GTPBP10: variants seen among roughly 807,000 people sequenced by gnomAD.
GTPBP10 encodes GTP binding protein 10, also known as GTP-binding protein 10.
A neutral mutation model predicts 44.8 loss-of-function variants in GTPBP10; 38 were observed. The observed-to-expected ratio is 0.85, with a 90% confidence interval of 0.65 to 1.11. The LOEUF (loss-of-function observed/expected upper bound fraction) is 1.11, where lower values mean the gene tolerates loss of function less well. GTPBP10 is among the 50% of genes most tolerant of loss of function. The probability of loss-of-function intolerance (pLI) is 0.00; values close to 1 mark genes in which losing one functional copy is unlikely to be tolerated. For missense variants in GTPBP10, 462 were observed against 453.7 expected (o/e 1.02, Z -0.17); for synonymous variants, 152 against 150.6 (o/e 1.01, Z -0.07).
chr7:90,383,450 A>C (rs11563374), intron 9 of GTPBP10, among the ~76,000 whole-genome samples: 2,064 of 152,326 alleles, frequency 0.014, 55 homozygotes, highest in African/African-American at 0.046. Flanking sequence ...TCATTCGTCT[A>C]GTACTGTACA....
intron 8 of GTPBP10, among the ~76,000 whole-genome samples, chr7:90,378,536 C>G (rs1276443162): frequency 1.3e-5 from 2 of 152,124 alleles, no homozygotes; most frequent in African/African-American, 4.8e-5. Flanking sequence ...TCTATTTCTA[C>G]TCTTACACTA....
chr7:90,391,449 TGTG>T (rs1473961705), exon 10 of GTPBP10: 2 of 152,190 alleles, frequency 1.3e-5, no homozygotes, highest in Admixed American at 6.5e-5. Flanking sequence ...GCTATGTTAA[TGTG>T]GTCTCCCTCT....
chr7:90,383,910 C>G (rs1022145507), intron 9 of GTPBP10: 4 of 152,210 alleles, frequency 2.6e-5, no homozygotes, highest in Admixed American at 6.5e-5. Flanking sequence ...TCTCAAAAAT[C>G]TTTCCCCTGT....
rs17867238 is a variant in GTPBP10, at chr7:90,385,279, A to G, written c.*125A>G. The G allele has an allele frequency of 2.5e-4, 160 of 641,540 alleles. No homozygotes were observed. In the African/African-American group the frequency reaches 2.7e-3, roughly 11 times the overall value. 39.7% of individuals were successfully genotyped at this position (641,540 alleles called of 1,614,324 possible). A position where few individuals can be genotyped will look rare whatever the true frequency, so the allele number is the denominator to read the frequency against. ...CCAGGCTTAGAAAGACAAATGCTGC[A>G]TAATCTCACTGTGGAATCTTAAGTT... On this transcript the variant is annotated 3_prime_UTR_variant, in exon 10 of 10. Coordinates refer to ENST00000222511, the MANE Select transcript of GTPBP10 (RefSeq NM_033107.4).
At chr7:90,358,545 C>G (rs1562954943) in intron 4 of GTPBP10, among the ~76,000 whole-genome samples, 1 of 152,040 alleles carries the variant, frequency 6.6e-6, no homozygotes, top group Non-Finnish European at 1.5e-5. Flanking sequence ...AAAAATGATG[C>G]TGAGAAAATT....
intron 1 of GTPBP10, among the ~76,000 whole-genome samples, chr7:90,348,288 A>G (rs987444160): frequency 5.3e-5 from 8 of 152,216 alleles, no homozygotes; most frequent in African/African-American, 1.7e-4. Flanking sequence ...CCCTTCAAGA[A>G]CATGGGGGTT....
At position 90,385,323 on chromosome 7, in the gene GTPBP10, A is replaced by T; in HGVS notation, c.*169A>T. On this transcript the variant is annotated 3_prime_UTR_variant, in exon 10 of 10. Transcript: ENST00000222511. ...TTAAGTTGAACTCATAGAAGGAGAG[A>T]ATAGAATGGTGGTTATCAAGGGCTG... 1.9e-6 allele frequency: 1 copy of T among 523,836 alleles called. No homozygotes were observed. Among genetic ancestry groups the T allele is most frequent in the South Asian group, 3.0e-5 (1 of 33,140 alleles). 32.4% of individuals were successfully genotyped at this position (523,836 alleles called of 1,614,324 possible). A position where few individuals can be genotyped will look rare whatever the true frequency, so the allele number is the denominator to read the frequency against.
At chr7:90,352,032 G>A (rs757240930) in intron 1 of GTPBP10, among the ~76,000 whole-genome samples, 6 of 152,092 alleles carry the variant, frequency 3.9e-5, no homozygotes, top group Non-Finnish European at 8.8e-5. Context: ...TTTGAGTAAA[G>A]GAGAAACATG....
chr7:90,351,457 G>A (rs915390180), intron 1 of GTPBP10, among the ~76,000 whole-genome samples: 1 of 152,098 alleles, frequency 6.6e-6, no homozygotes, highest in Non-Finnish European at 1.5e-5. Flanking sequence ...TTTTATGGAA[G>A]TAAATGACAA....
At chr7:90,350,872 A>G (rs190712085) in intron 1 of GTPBP10, among the ~76,000 whole-genome samples, 1 of 152,294 alleles carries the variant, frequency 6.6e-6, no homozygotes, top group African/African-American at 2.4e-5. Flanking sequence ...TCGTAGTGTC[A>G]TGACTTTACT....
intron 4 of GTPBP10, among the ~76,000 whole-genome samples, chr7:90,357,413 A>G (rs1051866717): frequency 6.6e-6 from 1 of 152,218 alleles, no homozygotes; most frequent in African/African-American, 2.4e-5. Flanking sequence ...CAGGGTATGA[A>G]AAAACTATAT....
intron 2 of GTPBP10, among the ~76,000 whole-genome samples, chr7:90,354,033 T>A (rs910812824): frequency 2.0e-5 from 3 of 152,056 alleles, no homozygotes; most frequent in Non-Finnish European, 4.4e-5. Context: ...GGGGTCGTGC[T>A]ATGGTGTTCA....
chr7:90,382,464 T>C (rs1796449142), intron 8 of GTPBP10, among the ~76,000 whole-genome samples: 1 of 152,154 alleles, frequency 6.6e-6, no homozygotes, highest in Admixed American at 6.6e-5. Flanking sequence ...CGCTCTGTCA[T>C]GTAGGCTAGA....
At chr7:90,378,893 G>T (rs1229718363) in intron 8 of GTPBP10, among the ~76,000 whole-genome samples, 1 of 152,096 alleles carries the variant, frequency 6.6e-6, no homozygotes, top group Non-Finnish European at 1.5e-5. Context: ...AGTAGAGACA[G>T]GGTTTCACCA....
chr7:90,367,218 A>ATT (rs1319353658), intron 4 of GTPBP10, among the ~76,000 whole-genome samples: 1 of 152,086 alleles, frequency 6.6e-6, no homozygotes, highest in Non-Finnish European at 1.5e-5. Flanking sequence ...TATATGGTCA[A>ATT]TTTTAGAATA....
chr7:90,360,946 T>C (rs1421447551), intron 4 of GTPBP10, among the ~76,000 whole-genome samples: 5 of 152,206 alleles, frequency 3.3e-5, no homozygotes, highest in Non-Finnish European at 7.3e-5. Context: ...TTATCTGTTA[T>C]TGGTGTATAA....
intron 8 of GTPBP10, chr7:90,378,412 G>T (rs189055374): frequency 3.6e-4 from 98 of 272,360 alleles, no homozygotes; most frequent in South Asian, 8.5e-4. Context: ...AACACTCCTG[G>T]GCTTCCAAAT....
chr7:90,365,594 T>G (rs1315639425), intron 4 of GTPBP10, among the ~76,000 whole-genome samples: 2 of 151,900 alleles, frequency 1.3e-5, no homozygotes, highest in Non-Finnish European at 2.9e-5. Flanking sequence ...GCCGGGATGG[T>G]CTCGATCTCC....
chr7:90,367,958 TC>T (rs1238303591), intron 4 of GTPBP10, among the ~76,000 whole-genome samples: 1 of 152,252 alleles, frequency 6.6e-6, no homozygotes, highest in East Asian at 1.9e-4. Context: ...CTTTAGAAGC[TC>T]TTGTAAGGCA....
Sources: gnomAD v4.1 joint callset for allele counts (sites outside exome capture counted in the v4.1 genomes callset) on GRCh38, gnomAD v4.1.1 for gene constraint, MANE v1.5 for transcripts, NCBI Gene and HGNC (gene_info 2026-07-23, HGNC 2026-07-21) for gene names.